Variants in MFHAS1 observed in about 807,000 individuals in gnomAD.
MFHAS1 encodes the protein multifunctional ROCO family signaling regulator 1, also known as malignant fibrous histiocytoma-amplified sequence 1.
A neutral mutation model predicts 70.4 loss-of-function variants in MFHAS1; 50 were observed. The ratio of observed to expected loss-of-function variants is 0.71; its 90% CI spans 0.57 to 0.90. The LOEUF (loss-of-function observed/expected upper bound fraction) is 0.90. Ranked by LOEUF, MFHAS1 falls within the 40% of genes least tolerant of loss-of-function variation. MFHAS1 has a pLI of 0.00. For synonymous variants in MFHAS1, 952 were observed against 620.0 expected, an observed-to-expected ratio of 1.54 and a Z score of -7.96; for missense variants, 1,795 against 1,347.6, an observed-to-expected ratio of 1.33 and a Z score of -5.20.
chr8:8,836,273 A>G (rs1250393578), intron 1 of MFHAS1, among the ~76,000 whole-genome samples: 1 of 151,982 alleles, frequency 6.6e-6, no homozygotes, highest in African/African-American at 2.4e-5. Context: ...GAGTAGCCTC[A>G]GGTTCTGGGT....
chr8:8,891,652 C>T lies in MFHAS1; in HGVS notation c.1407G>A (p.Arg469=), dbSNP rs1810044318. The change falls in exon 1 of 3, where the codon CGG becomes CGA. Residue 469 remains arginine, a synonymous_variant. Coordinates refer to ENST00000276282, the MANE Select transcript of MFHAS1 (RefSeq NM_004225.3). The surrounding 1 kb of genome is among the most constrained non-coding windows in gnomAD (Gnocchi z 5.4). ...EVTSWTADAS[R]GLRFIVYDLA... The stretch of plus-strand genomic sequence containing the variant: ...AGTCATACACGATGAACCGCAGGCC[C>T]CGGGAGGCATCGGCCGTCCAGCTGG... 1 of 1,613,654 alleles carries T rather than the reference C, an allele frequency of 6.2e-7. No homozygotes were observed. Among genetic ancestry groups the T allele is most frequent in the Non-Finnish European group, 8.5e-7 (1 of 1,180,022 alleles).
intron 2 of MFHAS1, among the ~76,000 whole-genome samples, chr8:8,792,989 C>A (rs1182374401): frequency 6.6e-6 from 1 of 152,162 alleles, no homozygotes; most frequent in Non-Finnish European, 1.5e-5. Context: ...AAATGACTCA[C>A]ATTTCTATCT....
chr8:8,805,084 C>A (rs1806241659), intron 1 of MFHAS1, among the ~76,000 whole-genome samples: 2 of 152,148 alleles, frequency 1.3e-5, no homozygotes, highest in African/African-American at 4.8e-5. Context: ...TCTTCTAGAT[C>A]AAAAAGCTGA....
At chr8:8,809,073 G>C (rs148051251) in intron 1 of MFHAS1, among the ~76,000 whole-genome samples, 1 of 152,104 alleles carries the variant, frequency 6.6e-6, no homozygotes, top group Non-Finnish European at 1.5e-5. Flanking sequence ...TTGTATGTGA[G>C]GGATCTAGGT....
At chr8:8,859,543 A>T (rs1439098353) in intron 1 of MFHAS1, among the ~76,000 whole-genome samples, 1 of 152,162 alleles carries the variant, frequency 6.6e-6, no homozygotes, top group Non-Finnish European at 1.5e-5. Flanking sequence ...AGACAGCAAG[A>T]CCAACCCCTC....
At chr8:8,816,095 T>C (rs1446714650) in intron 1 of MFHAS1, among the ~76,000 whole-genome samples, 1 of 152,154 alleles carries the variant, frequency 6.6e-6, no homozygotes, top group Non-Finnish European at 1.5e-5. Flanking sequence ...TACAAAATTC[T>C]AGACAATGCA....
intron 1 of MFHAS1, among the ~76,000 whole-genome samples, chr8:8,827,252 C>A (rs1351348890): frequency 6.6e-6 from 1 of 152,184 alleles, no homozygotes; most frequent in African/African-American, 2.4e-5. Context: ...TTACAAATAT[C>A]TGCGTAGTTA....
chr8:8,831,505 A>G (rs1489913088), intron 1 of MFHAS1, among the ~76,000 whole-genome samples: 1 of 152,026 alleles, frequency 6.6e-6, no homozygotes, highest in Non-Finnish European at 1.5e-5. Flanking sequence ...CTCCACAATC[A>G]CCTGATTTCA....
In MFHAS1 at chr8:8,890,606, T is replaced by G; in HGVS notation, c.2453A>C (p.Gln818Pro). ...CTTCTCCAGCAGCTCCAGCAACAGC[T>G]GCAAGTCCTGCTGGGCCTGGACATG... Reference protein sequence around the residue: ...KPHVQAQQDLQLLLELLEKMG... With the variant: ...KPHVQAQQDLPLLLELLEKMG... The change falls in exon 1 of 3, where the codon CAG (glutamine) becomes CCG (proline). Residue 818 changes from glutamine to proline, a missense_variant. Gln to Pro is a moderately conservative substitution (Grantham distance 76, BLOSUM62 -1). Coordinates refer to ENST00000276282, the MANE Select transcript of MFHAS1 (RefSeq NM_004225.3). 1 of 1,613,918 alleles carries G rather than the reference T, an allele frequency of 6.2e-7. No homozygotes were observed. The highest frequency in any genetic ancestry group is 1.1e-5 in the South Asian group (1 of 91,088).
rs4841050 is a variant in MFHAS1 at position 8,824,080 on chromosome 8, T to A, written c.2999-26589A>T. 2.7e-5 allele frequency among the ~76,000 whole-genome samples: 4 copies of A among 150,660 alleles called. No individual in the cohort carries two copies. The South Asian group carries it at 8.7e-4, about 33-fold the overall frequency. On this transcript the variant is annotated intron_variant, in intron 1 of 2. Coordinates refer to ENST00000276282, the MANE Select transcript of MFHAS1 (RefSeq NM_004225.3). ...CCTAGGAGCTCAGGCTACCTGCCTG[T>A]GAGGCAGAACTAAATCTATGCATCC...
chr8:8,800,094 A>G (rs1806034327), intron 1 of MFHAS1, among the ~76,000 whole-genome samples: 1 of 152,204 alleles, frequency 6.6e-6, no homozygotes, highest in African/African-American at 2.4e-5. Flanking sequence ...CATCTTTCCT[A>G]AATGAGCAAT....
chr8:8,843,672 G>A (rs1807924891), intron 1 of MFHAS1, among the ~76,000 whole-genome samples: 1 of 152,162 alleles, frequency 6.6e-6, no homozygotes, highest in Admixed American at 6.5e-5. Context: ...AGTGAAAGGT[G>A]AGCAGGTCCG....
At chr8:8,793,176 C>CAA (rs59796124) in intron 2 of MFHAS1, among the ~76,000 whole-genome samples, 3,365 of 145,090 alleles carry the variant, frequency 0.023, 131 homozygotes, top group African/African-American at 0.079. Flanking sequence ...GTTGTTAAAA[C>CAA]AAAAAAAAAA....
At chr8:8,833,194 CT>C (rs1189774204) in intron 1 of MFHAS1, among the ~76,000 whole-genome samples, 1 of 152,332 alleles carries the variant, frequency 6.6e-6, no homozygotes. Context: ...AGACCACCCC[CT>C]GATCCAATCA....
At chr8:8,888,874 A>G (rs2116945279) in intron 1 of MFHAS1, among the ~76,000 whole-genome samples, 1 of 152,324 alleles carries the variant, frequency 6.6e-6, no homozygotes, top group South Asian at 2.1e-4. Context: ...GTGTCACTGC[A>G]GGTTTATCAA....
At position 8,891,776 on chromosome 8, in the gene MFHAS1, C is replaced by T. The variant is rs753245192; in HGVS notation, c.1283G>A (p.Cys428Tyr). Reference protein sequence around the residue: ...KAAGKTLLRHCLTEERVEGCP... With the variant: ...KAAGKTLLRHYLTEERVEGCP... ...TCCCTCCACTCTCTCCTCGGTGAGGCAGTGGCGCAGCAAAGTCTTTCCTGC... is the reference window on the plus strand; with the variant it reads ...TCCCTCCACTCTCTCCTCGGTGAGGTAGTGGCGCAGCAAAGTCTTTCCTGC... Residue 428 changes from cysteine to tyrosine, a missense_variant, in exon 1 of 3, where the codon TGC (cysteine) becomes TAC (tyrosine). Transcript: ENST00000276282. This position sits in a 1 kb window ranked among gnomAD's most constrained non-coding sequence, Gnocchi z 5.4. 2.5e-6 allele frequency: 4 copies of T among 1,613,342 alleles called. No homozygotes were observed. In the East Asian group the frequency reaches 6.7e-5, roughly 27 times the overall value.
At chr8:8,795,493 C>T (rs568067280) in intron 2 of MFHAS1, among the ~76,000 whole-genome samples, 2 of 152,300 alleles carry the variant, frequency 1.3e-5, no homozygotes, top group South Asian at 4.1e-4. Flanking sequence ...ATAAATTAAA[C>T]TATGCACATG....
chr8:8,838,509 C>A (rs757083008), intron 1 of MFHAS1, among the ~76,000 whole-genome samples: 10 of 152,102 alleles, frequency 6.6e-5, no homozygotes, highest in Non-Finnish European at 1.5e-4. Flanking sequence ...TCTAATAAGC[C>A]TCACATAAAA....
chr8:8,799,989 G>A (rs1806030891), intron 1 of MFHAS1, among the ~76,000 whole-genome samples: 1 of 152,180 alleles, frequency 6.6e-6, no homozygotes, highest in South Asian at 2.1e-4. Context: ...AGCAGACTTG[G>A]GATGTGAACT....
Sources: allele counts gnomAD v4.1 joint callset (sites outside exome capture counted in the v4.1 genomes callset), GRCh38; gene constraint gnomAD v4.1.1; non-coding constraint Gnocchi (gnomAD v3.1); transcripts MANE v1.5; gene names NCBI Gene and HGNC (gene_info 2026-07-23, HGNC 2026-07-21).